Variants in TULP4 observed in about 807,000 individuals in gnomAD.
TULP4 encodes the protein tubby-related protein 4.
In TULP4, 16 loss-of-function variants were observed where a neutral mutation model predicts 129.0. That is an observed-to-expected ratio of 0.12 (90% CI 0.08 to 0.19). The LOEUF is 0.19. TULP4 is among the 10% of genes least tolerant of loss of function. The probability of loss-of-function intolerance (pLI) is 1.00; values close to 1 mark genes in which losing one functional copy is unlikely to be tolerated. For synonymous variants in TULP4, 998 were observed against 854.0 expected, an observed-to-expected ratio of 1.17 and a Z score of -2.94; for missense variants, 1,842 against 2,059.1, an observed-to-expected ratio of 0.89 and a Z score of 2.04.
chr6:158,344,396 A>G (rs1375903903), intron 1 of TULP4, among the ~76,000 whole-genome samples: 1 of 152,194 alleles, frequency 6.6e-6, no homozygotes, highest in Non-Finnish European at 1.5e-5. Context: ...CTTTGCAGAT[A>G]GTGTGTTTTT....
Position 158,301,854 on chromosome 6 carries a change from G to A in TULP4, n.117-10197G>A, listed in dbSNP as rs4292551. ...CAGCATAGAAAACAAGTTAGATGGC[G>A]CGTATGTTGAAATGCCTAAAGTAGG... On this transcript the variant is annotated intron_variant and non_coding_transcript_variant, in intron 1 of 1. Coordinates refer to the TULP4 transcript ENST00000432358. Among the ~76,000 whole-genome samples, 1,173 of 145,066 alleles carry A rather than the reference G, an allele frequency of 8.1e-3. 12 individuals are homozygous for A. The highest frequency in any genetic ancestry group is 9.3e-3 in the Non-Finnish European group (622 of 66,654).
intron 2 of TULP4, among the ~76,000 whole-genome samples, chr6:158,423,520 T>G (rs1778402236): frequency 6.6e-6 from 1 of 152,238 alleles, no homozygotes; most frequent in Non-Finnish European, 1.5e-5. Context: ...TACTATGTAT[T>G]CATGCATTGA....
At chr6:158,443,665 C>A (rs1288942317) in intron 3 of TULP4, among the ~76,000 whole-genome samples, 1 of 152,046 alleles carries the variant, frequency 6.6e-6, no homozygotes, top group Non-Finnish European at 1.5e-5. Context: ...GTGGTCTTTT[C>A]TTCAGTGAAG....
At chr6:158,344,780 A>T (rs1780263384) in intron 1 of TULP4, among the ~76,000 whole-genome samples, 1 of 152,234 alleles carries the variant, frequency 6.6e-6, no homozygotes, top group Admixed American at 6.5e-5. Flanking sequence ...GAAGAATCAC[A>T]GGTCTCTGAC....
chr6:158,314,341 TC>T, intron 1 of TULP4, 73 bp downstream of exon 1: 15 of 1,533,908 alleles, frequency 9.8e-6, no homozygotes, highest in Admixed American at 1.8e-5. Flanking sequence ...ACTTGAAACT[TC>T]CTTCATTTCA....
chr6:158,275,872 A>AGG (rs1468097959), intron 1 of TULP4, among the ~76,000 whole-genome samples: 1 of 152,204 alleles, frequency 6.6e-6, no homozygotes, highest in Non-Finnish European at 1.5e-5. Flanking sequence ...GAAAGTACTG[A>AGG]GGGAGGGTAG....
At chr6:158,491,449 T>TGAGGAGTCTCGCTCTGTTGCC (rs1562589209) in intron 9 of TULP4, among the ~76,000 whole-genome samples, 1 of 32,588 alleles carries the variant, frequency 3.1e-5, no homozygotes, top group Admixed American at 3.0e-4. Context: ...TTCTTTTCTT[T>TGAGGAGTCTCGCTCTGTTGCC]CTTTCTTTTC....
intron 1 of TULP4, among the ~76,000 whole-genome samples, chr6:158,345,708 A>G (rs1780289128): frequency 6.6e-6 from 1 of 152,246 alleles, no homozygotes; most frequent in Non-Finnish European, 1.5e-5. Context: ...AGAATTACTG[A>G]TAAGAATGTA....
intron 1 of TULP4, among the ~76,000 whole-genome samples, chr6:158,391,558 C>A (rs1037509095): frequency 6.6e-6 from 1 of 152,094 alleles, no homozygotes; most frequent in Non-Finnish European, 1.5e-5. Context: ...TTCACTAAGA[C>A]AAAATTTAAA....
intron 5 of TULP4, among the ~76,000 whole-genome samples, chr6:158,457,887 T>G (rs897362638): frequency 6.6e-6 from 1 of 151,510 alleles, no homozygotes; most frequent in African/African-American, 2.4e-5. Context: ...TACGTGCCCC[T>G]TTTTTTCAGT....
At chr6:158,363,776 C>T (rs770151470) in intron 1 of TULP4, among the ~76,000 whole-genome samples, 5 of 152,156 alleles carry the variant, frequency 3.3e-5, no homozygotes, top group African/African-American at 7.2e-5. Flanking sequence ...TGAGCCACCG[C>T]GCAAGGCCGC....
intron 1 of TULP4, among the ~76,000 whole-genome samples, chr6:158,358,460 G>A (rs187935357): frequency 3.3e-4 from 51 of 152,308 alleles, no homozygotes; most frequent in African/African-American, 1.2e-3. Context: ...AAAACTTACC[G>A]ACTCATATGG....
chr6:158,291,170 T>C (rs1031316231), intron 1 of TULP4, among the ~76,000 whole-genome samples: 2 of 152,254 alleles, frequency 1.3e-5, no homozygotes, highest in African/African-American at 4.8e-5. Flanking sequence ...TTTCGTTGTT[T>C]CTTAGACCTT....
At chr6:158,240,032 G>A (rs1347100509) in intron 1 of TULP4, among the ~76,000 whole-genome samples, 25 of 94,868 alleles carry the variant, frequency 2.6e-4, no homozygotes, top group Non-Finnish European at 3.7e-4. Context: ...GCGGCTGGCC[G>A]GGCGGGGGGC....
intron 1 of TULP4, among the ~76,000 whole-genome samples, chr6:158,326,855 T>C (rs1308660809): frequency 2.0e-5 from 3 of 152,210 alleles, no homozygotes; most frequent in Non-Finnish European, 2.9e-5. Context: ...TGGATCCACT[T>C]ATATGTGGAA....
chr6:158,506,477 C>T, intron 13 of TULP4, 101 bp from the exon 14 acceptor site: 1 of 790,216 alleles, frequency 1.3e-6, no homozygotes, highest in South Asian at 1.3e-5. Flanking sequence ...GTGATCTGCC[C>T]ACCTCGGCCT....
intron 1 of TULP4, among the ~76,000 whole-genome samples, chr6:158,392,509 G>A (rs1777606358): frequency 1.3e-5 from 2 of 152,270 alleles, no homozygotes; most frequent in Admixed American, 6.5e-5. Flanking sequence ...GATTCTCCCG[G>A]CTTTTTTCTC....
chr6:158,472,921 A>C (rs1343839453), intron 6 of TULP4, among the ~76,000 whole-genome samples: 1 of 152,300 alleles, frequency 6.6e-6, no homozygotes, highest in South Asian at 2.1e-4. Flanking sequence ...GTGACTCTCT[A>C]TATATTCTTG....
chr6:158,328,995 G>A (rs116952314), intron 1 of TULP4, among the ~76,000 whole-genome samples: 1 of 152,218 alleles, frequency 6.6e-6, no homozygotes, highest in East Asian at 1.9e-4. Context: ...AGGATGGGTG[G>A]GAAGGGTGCC....
Sources: gnomAD v4.1 joint callset for allele counts (sites outside exome capture counted in the v4.1 genomes callset) on GRCh38, gnomAD v4.1.1 for gene constraint, MANE v1.5 for transcripts, NCBI Gene and HGNC (gene_info 2026-07-23, HGNC 2026-07-21) for gene names.